The following CMAS variants were observed in gnomAD, a reference collection of about 807,000 sequenced individuals.
CMAS encodes the protein N-acylneuraminate cytidylyltransferase.
CMAS carries 21 observed loss-of-function variants against 53.4 expected under a neutral mutation model. The ratio of observed to expected loss-of-function variants is 0.39; its 90% CI spans 0.28 to 0.57. The LOEUF (loss-of-function observed/expected upper bound fraction) is 0.57. Among genes scored for constraint, CMAS ranks in the 20% least tolerant of loss-of-function variants. The pLI, the probability that CMAS is intolerant of heterozygous loss-of-function variation, is 0.56. For synonymous variants in CMAS, 189 were observed against 195.2 expected (o/e 0.97, Z 0.27); for missense variants, 384 against 534.9 (o/e 0.72, Z 2.78).
intron 6 of CMAS, 112 bp from the exon 7 acceptor site, chr12:22,062,169 C>A: frequency 1.1e-6 from 1 of 884,178 alleles, no homozygotes; most frequent in Non-Finnish European, 1.6e-6. Context: ...CAAAAGATGA[C>A]TCGTTTGTGA....
At chr12:22,055,860 T>A (rs1383664545) in intron 3 of CMAS, among the ~76,000 whole-genome samples, 1 of 152,214 alleles carries the variant, frequency 6.6e-6, no homozygotes, top group African/African-American at 2.4e-5. Flanking sequence ...TCTGTTTGCC[T>A]TTTGAGGCAG....
Position 22,046,576 on chromosome 12 carries a change from G to T in CMAS, c.260+13G>T, listed in dbSNP as rs2138174437. 6.5e-7 allele frequency: 1 copy of T among 1,529,784 alleles called. No individual in the cohort carries two copies. The highest frequency in any genetic ancestry group is 1.4e-5 in the African/African-American group (1 of 70,688). The allele number at this position is 1,529,784 out of a possible 1,614,324, so 94.8% of individuals were successfully genotyped here. ...GGGCCTTCCAGAGGTGCGCATGTGC[G>T]AGAGTGGGCGGCGCGGCCTGGGCGG... On this transcript the variant is annotated intron_variant, in intron 1 of 7. Transcript: ENST00000229329.
chr12:22,051,582 T>A (rs1254363465), intron 1 of CMAS, among the ~76,000 whole-genome samples: 1 of 152,212 alleles, frequency 6.6e-6, no homozygotes, highest in East Asian at 1.9e-4. Context: ...CACTTGCTCA[T>A]TTTCTCTTTT....
chr12:22,056,745 A>G (rs370021574), intron 3 of CMAS, among the ~76,000 whole-genome samples: 106 of 152,288 alleles, frequency 7.0e-4, no homozygotes, highest in African/African-American at 2.5e-3. Flanking sequence ...ACAGATGACA[A>G]TCTGTAACTC....
intron 1 of CMAS, 120 bp downstream of exon 1, chr12:22,046,683 C>A: frequency 8.4e-7 from 1 of 1,193,630 alleles, no homozygotes; most frequent in Non-Finnish European, 1.1e-6. Flanking sequence ...TCTCTCATGC[C>A]AGGGATGTGC....
chr12:22,061,907 T>C (rs1157011133), intron 6 of CMAS, among the ~76,000 whole-genome samples: 2 of 152,172 alleles, frequency 1.3e-5, no homozygotes, highest in African/African-American at 4.8e-5. Flanking sequence ...AAATCCTAAA[T>C]ATGTATTGCT....
chr12:22,054,285 CT>C (rs1373084582), intron 1 of CMAS, among the ~76,000 whole-genome samples: 1 of 152,130 alleles, frequency 6.6e-6, no homozygotes, highest in African/African-American at 2.4e-5. Flanking sequence ...GAATTTGTGA[CT>C]GTCCAGGAAA....
At chr12:22,055,334 T>C (rs1473451014) in intron 2 of CMAS, 43 bp downstream of exon 2, 2 of 1,503,108 alleles carry the variant, frequency 1.3e-6, no homozygotes, top group African/African-American at 2.8e-5. Flanking sequence ...TTATGTACTT[T>C]TCTACTTCCT....
chr12:22,048,422 G>T (rs1206262716), intron 1 of CMAS, among the ~76,000 whole-genome samples: 1 of 152,050 alleles, frequency 6.6e-6, no homozygotes, highest in Non-Finnish European at 1.5e-5. Context: ...CCAAACCTCT[G>T]CTCCAAGAGA....
intron 1 of CMAS, among the ~76,000 whole-genome samples, chr12:22,052,511 A>C (rs1354026717): frequency 1.3e-5 from 2 of 152,228 alleles, no homozygotes; most frequent in African/African-American, 4.8e-5. Context: ...ATAATGAAGT[A>C]AATGGCTTCA....
chr12:22,058,522 C>A, intron 3 of CMAS, 45 bp from the exon 4 acceptor site: 1 of 1,548,838 alleles, frequency 6.5e-7, no homozygotes, highest in African/African-American at 1.4e-5. Context: ...TTAACACTTT[C>A]TATATTCAGG....
chr12:22,051,264 C>A (rs939784971), intron 1 of CMAS, among the ~76,000 whole-genome samples: 3 of 152,112 alleles, frequency 2.0e-5, no homozygotes, highest in African/African-American at 7.2e-5. Flanking sequence ...TTTGTAAGAG[C>A]TTAATTTTCA....
chr12:22,049,537 A>G (rs888412919), intron 1 of CMAS, among the ~76,000 whole-genome samples: 2 of 152,212 alleles, frequency 1.3e-5, no homozygotes, highest in Non-Finnish European at 2.9e-5. Context: ...TCTAGACTAG[A>G]GTGTAAACTC....
At chr12:22,064,081 T>A (rs1950327613) in intron 7 of CMAS, among the ~76,000 whole-genome samples, 1 of 152,228 alleles carries the variant, frequency 6.6e-6, no homozygotes, top group African/African-American at 2.4e-5. Flanking sequence ...TAACTTTTTT[T>A]ATTTTAGTGA....
chr12:22,057,600 G>A (rs1168232264), intron 3 of CMAS, among the ~76,000 whole-genome samples: 2 of 152,096 alleles, frequency 1.3e-5, no homozygotes, highest in Non-Finnish European at 1.5e-5. Context: ...TGCAAACAAT[G>A]AGAACTAGAT....
chr12:22,062,947 A>AAAAAT (rs1208089771), intron 7 of CMAS, among the ~76,000 whole-genome samples: 1 of 152,214 alleles, frequency 6.6e-6, no homozygotes, highest in East Asian at 1.9e-4. Flanking sequence ...ATGTCCTGTG[A>AAAAAT]AAAATAGAAT....
intron 3 of CMAS, among the ~76,000 whole-genome samples, chr12:22,057,459 A>G (rs1382343027): frequency 6.6e-6 from 1 of 152,152 alleles, no homozygotes; most frequent in Non-Finnish European, 1.5e-5. Context: ...AGAATGTATA[A>G]TATGTTACAT....
chr12:22,064,933 G>A lies in CMAS; in HGVS notation c.1115-188G>A, dbSNP rs181934051. Among the ~76,000 whole-genome samples the A allele has an allele frequency of 3.3e-3, 506 of 152,006 alleles. 2 individuals are homozygous for A. The highest frequency in any genetic ancestry group is 6.9e-3 in the South Asian group (33 of 4,798). ...TAAGAGTTTATTTTTGATTGCTTAG[G>A]GAAAACCCTGGACCTCAATTATACT... On this transcript the variant is annotated intron_variant, in intron 7 of 7. Transcript: ENST00000229329.
chr12:22,052,914 G>A (rs189237293), intron 1 of CMAS, among the ~76,000 whole-genome samples: 103 of 152,192 alleles, frequency 6.8e-4, no homozygotes, highest in Non-Finnish European at 1.1e-3. Context: ...GGGAATAAAC[G>A]AAATAAATAA....
Sources: allele counts gnomAD v4.1 joint callset (sites outside exome capture counted in the v4.1 genomes callset), GRCh38; gene constraint gnomAD v4.1.1; transcripts MANE v1.5; gene names NCBI Gene and HGNC (gene_info 2026-07-23, HGNC 2026-07-21).